Variants in ICA1L observed in about 807,000 individuals in gnomAD.
ICA1L encodes islet cell autoantigen 1-like protein.
In ICA1L, 50 loss-of-function variants were observed where a neutral mutation model predicts 61.3. The observed-to-expected ratio is 0.82, with a 90% confidence interval of 0.65 to 1.03. The LOEUF is 1.03. Ranked by LOEUF, ICA1L falls within the 50% of genes least tolerant of loss-of-function variation. The pLI, the probability that ICA1L is intolerant of heterozygous loss-of-function variation, is 0.00. For synonymous variants in ICA1L, 161 were observed against 191.3 expected, an observed-to-expected ratio of 0.84 and a Z score of 1.31; for missense variants, 508 against 556.7, an observed-to-expected ratio of 0.91 and a Z score of 0.88.
At chr2:202,827,695 C>T (rs1319391373) in intron 2 of ICA1L, among the ~76,000 whole-genome samples, 2 of 152,014 alleles carry the variant, frequency 1.3e-5, no homozygotes, top group Admixed American at 6.5e-5. Flanking sequence ...GTTCCTGTTG[C>T]GTTAAAACAT....
chr2:202,852,999 A>T (rs1694672149), intron 1 of ICA1L, among the ~76,000 whole-genome samples: 1 of 152,010 alleles, frequency 6.6e-6, no homozygotes, highest in African/African-American at 2.4e-5. Context: ...GGCTAGCCAT[A>T]TATAGAAAGC....
At chr2:202,807,246 A>G (rs1278830271) in intron 9 of ICA1L, among the ~76,000 whole-genome samples, 1 of 152,234 alleles carries the variant, frequency 6.6e-6, no homozygotes, top group East Asian at 1.9e-4. Flanking sequence ...AATTGCCAAC[A>G]CCACCATTCC....
At chr2:202,864,625 A>G (rs956817652) in intron 1 of ICA1L, among the ~76,000 whole-genome samples, 2 of 135,410 alleles carry the variant, frequency 1.5e-5, no homozygotes, top group African/African-American at 5.2e-5. Flanking sequence ...GTGTATATAT[A>G]TATGTGTGTG....
intron 1 of ICA1L, chr2:202,870,411 G>C (rs1574395582): frequency 1.3e-5 from 2 of 152,114 alleles, no homozygotes; most frequent in East Asian, 3.8e-4. Context: ...TCAACGACTA[G>C]ATAAACAATC....
intron 1 of ICA1L, among the ~76,000 whole-genome samples, chr2:202,865,200 G>A (rs1328272657): frequency 6.6e-6 from 1 of 151,786 alleles, no homozygotes; most frequent in Non-Finnish European, 1.5e-5. Flanking sequence ...CGGGCATGGT[G>A]GCTCACATCC....
At chr2:202,847,883 T>C (rs1370617164) in intron 1 of ICA1L, among the ~76,000 whole-genome samples, 2 of 151,956 alleles carry the variant, frequency 1.3e-5, no homozygotes, top group Non-Finnish European at 2.9e-5. Flanking sequence ...ATATACACCA[T>C]GGAATACTAT....
intron 6 of ICA1L, 27 bp from the exon 7 acceptor site, chr2:202,816,036 C>T (rs1445567241): frequency 1.4e-6 from 2 of 1,423,472 alleles, no homozygotes; most frequent in Non-Finnish European, 1.9e-6. Flanking sequence ...GGTGACACTA[C>T]AGTTCTGCTT....
At chr2:202,835,497 C>T (rs1480979508) in intron 1 of ICA1L, among the ~76,000 whole-genome samples, 1 of 151,408 alleles carries the variant, frequency 6.6e-6, no homozygotes, top group Non-Finnish European at 1.5e-5. Flanking sequence ...TGAGGGACCC[C>T]ACCTGGCCAG....
chr2:202,804,081 A>G lies in ICA1L; in HGVS notation c.911-7117T>C, dbSNP rs138891981. ...TTAAGCCCTAATGTAACTGTTAGAC[A>G]TGCTCACAGGCACGTAGTACATTCT... On this transcript the variant is annotated intron_variant, in intron 9 of 12. Transcript: ENST00000358299. 3.3e-5 allele frequency among the ~76,000 whole-genome samples: 5 copies of G among 152,310 alleles called. No homozygotes were observed. The East Asian group carries it at 9.7e-4, about 29-fold the overall frequency.
intron 5 of ICA1L, among the ~76,000 whole-genome samples, chr2:202,819,412 C>G (rs1000616012): frequency 3.9e-5 from 6 of 151,972 alleles, no homozygotes; most frequent in African/African-American, 1.5e-4. Flanking sequence ...TTTCTTCCTG[C>G]AAACGAATCT....
rs559243404 is a variant in ICA1L, at chr2:202,810,504, A to G, written c.910+1242T>C. 2.0e-5 allele frequency among the ~76,000 whole-genome samples: 3 copies of G among 152,268 alleles called. No individual in the cohort carries two copies. The South Asian group carries it at 6.2e-4, about 32-fold the overall frequency. On this transcript the variant is annotated intron_variant, in intron 9 of 12. Coordinates refer to ENST00000358299, the MANE Select transcript of ICA1L (RefSeq NM_001288622.3). The stretch of plus-strand genomic sequence containing the variant: ...ATCTCTTAGTCCCGTCATCTTCGTA[A>G]ACTGAGGAGGATGTATGTCGCCTCA...
chr2:202,838,495 G>T (rs1694215244), intron 1 of ICA1L, among the ~76,000 whole-genome samples: 1 of 152,042 alleles, frequency 6.6e-6, no homozygotes, highest in Non-Finnish European at 1.5e-5. Flanking sequence ...TTCTTTCTGG[G>T]TATCTGTCCA....
chr2:202,848,705 G>A (rs530985124), intron 1 of ICA1L, among the ~76,000 whole-genome samples: 1 of 152,242 alleles, frequency 6.6e-6, no homozygotes, highest in African/African-American at 2.4e-5. Context: ...ATAAGACAAT[G>A]TCTAGTCTTT....
At position 202,778,696 on chromosome 2, in the gene ICA1L, T is replaced by TATAA. The variant is rs1339704232; in HGVS notation, c.*833_*836dup. On this transcript the variant is annotated 3_prime_UTR_variant, in exon 13 of 13. Coordinates refer to ENST00000358299, the MANE Select transcript of ICA1L (RefSeq NM_001288622.3). The stretch of plus-strand genomic sequence containing the variant: ...CCCCTCATTTTATTTTCAGGAATAA[T>TATAA]ATAAATACTGCATACTACTATATAG... The TATAA allele has an allele frequency of 6.6e-6, 1 of 152,604 alleles. No homozygotes were observed. The highest frequency in any genetic ancestry group is 2.4e-5 in the African/African-American group (1 of 41,454). 9.5% of individuals were successfully genotyped at this position (152,604 alleles called of 1,614,324 possible).
chr2:202,779,806 T>TGTTTG (rs112806695), intron 12 of ICA1L, among the ~76,000 whole-genome samples, 158 bp from the exon 13 acceptor site: 4 of 151,612 alleles, frequency 2.6e-5, no homozygotes, highest in East Asian at 1.9e-4. Context: ...AAGATTTTTT[T>TGTTTG]TTTTTTTTTT....
Position 202,836,546 on chromosome 2 carries a change from T to A in ICA1L, c.-7-7530A>T, listed in dbSNP as rs73054785. ...TTAGTTTGGAAGATCTCCTTCCTTT[T>A]CAATTTTTTGGAAGAGTTTCAGAAG... On this transcript the variant is annotated intron_variant, in intron 1 of 12. Coordinates refer to ENST00000358299, the MANE Select transcript of ICA1L (RefSeq NM_001288622.3). Among the ~76,000 whole-genome samples the A allele has an allele frequency of 5.3e-3, 804 of 152,302 alleles. 11 individuals are homozygous for A. The highest frequency in any genetic ancestry group is 0.018 in the African/African-American group (737 of 41,578).
chr2:202,799,356 T>C (rs1693027796), intron 9 of ICA1L, among the ~76,000 whole-genome samples: 1 of 152,210 alleles, frequency 6.6e-6, no homozygotes, highest in Non-Finnish European at 1.5e-5. Context: ...TTGATTTGCA[T>C]TTCCCTGATG....
intron 1 of ICA1L, among the ~76,000 whole-genome samples, chr2:202,866,696 CCAGCA>C (rs1687524270): frequency 6.6e-6 from 1 of 152,110 alleles, no homozygotes; most frequent in Admixed American, 6.6e-5. Context: ...GCCTGTAATC[CCAGCA>C]CTTCGGGAAG....
At chr2:202,826,122 G>T (rs780761811) in intron 2 of ICA1L, among the ~76,000 whole-genome samples, 2 of 152,122 alleles carry the variant, frequency 1.3e-5, no homozygotes, top group Non-Finnish European at 2.9e-5. Context: ...AGATGAGAGT[G>T]CAGATAACCT....
Sources: gnomAD v4.1 joint callset for allele counts (sites outside exome capture counted in the v4.1 genomes callset) on GRCh38, gnomAD v4.1.1 for gene constraint, MANE v1.5 for transcripts, NCBI Gene and HGNC (gene_info 2026-07-23, HGNC 2026-07-21) for gene names.